PRKCA: variants seen among roughly 807,000 people sequenced by gnomAD.
The protein encoded by PRKCA is protein kinase C alpha type.
In PRKCA, 27 loss-of-function variants were observed where a neutral mutation model predicts 87.0. The observed-to-expected ratio is 0.31, with a 90% CI of 0.23 to 0.43. The LOEUF (loss-of-function observed/expected upper bound fraction) is 0.43, where lower values mean the gene tolerates loss of function less well. Among genes scored for constraint, PRKCA ranks in the 20% least tolerant of loss-of-function variants. The probability of loss-of-function intolerance (pLI) is 1.00; values close to 1 mark genes in which losing one functional copy is unlikely to be tolerated. For synonymous variants in PRKCA, 329 were observed against 311.1 expected (o/e 1.06, Z -0.61); for missense variants, 518 against 852.3 (o/e 0.61, Z 4.88).
At chr17:66,664,658 T>C (rs886324271) in intron 5 of PRKCA, among the ~76,000 whole-genome samples, 10 of 141,604 alleles carry the variant, frequency 7.1e-5, no homozygotes, top group African/African-American at 2.1e-4. Flanking sequence ...TTTTTTTTTT[T>C]TTTTTTTTTT....
chr17:66,414,331 C>T (rs909985348), intron 2 of PRKCA, among the ~76,000 whole-genome samples: 11 of 152,174 alleles, frequency 7.2e-5, no homozygotes, highest in African/African-American at 2.7e-4. Context: ...CCTCCCTGCT[C>T]CCTCTTTCTT....
In PRKCA at chr17:66,302,795, C is replaced by T. The variant is rs2143077891; in HGVS notation, c.-57C>T. On this transcript the variant is annotated 5_prime_UTR_variant, in exon 1 of 17. Coordinates refer to ENST00000413366, the MANE Select transcript of PRKCA (RefSeq NM_002737.3). ...ACCTCTCCCCCGCCGCCCCCGCCCA[C>T]CCGGCCCTCCGCGGCCGCAGCTCCC... The T allele has an allele frequency of 7.2e-7, 1 of 1,386,822 alleles. No homozygotes were observed. Among genetic ancestry groups the T allele is most frequent in the Non-Finnish European group, 9.5e-7 (1 of 1,051,492 alleles). The allele number at this position is 1,386,822 out of a possible 1,614,324, so 85.9% of individuals were successfully genotyped here. A position where few individuals can be genotyped will look rare whatever the true frequency, so the allele number is the denominator to read the frequency against.
chr17:66,676,087 C>A (rs1418039827), intron 5 of PRKCA, among the ~76,000 whole-genome samples: 2 of 152,112 alleles, frequency 1.3e-5, no homozygotes, highest in East Asian at 1.9e-4. Flanking sequence ...TTCTGGCTCC[C>A]GGTGCAGAAC....
chr17:66,360,556 C>G (rs1229756369), intron 2 of PRKCA, among the ~76,000 whole-genome samples: 1 of 152,104 alleles, frequency 6.6e-6, no homozygotes, highest in Admixed American at 6.5e-5. Flanking sequence ...GGTGGATATC[C>G]GAAGGGCTCT....
At chr17:66,758,979 A>T (rs1974618095) in intron 13 of PRKCA, among the ~76,000 whole-genome samples, 1 of 152,200 alleles carries the variant, frequency 6.6e-6, no homozygotes, top group Non-Finnish European at 1.5e-5. Context: ...GAGCAGTGAT[A>T]GAAGGGATAA....
intron 2 of PRKCA, among the ~76,000 whole-genome samples, chr17:66,333,514 A>G (rs1472846116): frequency 6.6e-6 from 1 of 152,208 alleles, no homozygotes; most frequent in Non-Finnish European, 1.5e-5. Context: ...TGCCTTTTAT[A>G]TAATTACATT....
chr17:66,459,600 T>C (rs77706713), intron 2 of PRKCA, among the ~76,000 whole-genome samples: 3,447 of 152,310 alleles, frequency 0.023, 128 homozygotes, highest in African/African-American at 0.078. Context: ...GAGATTCCGC[T>C]TGATTTGAGA....
intron 5 of PRKCA, among the ~76,000 whole-genome samples, chr17:66,677,724 T>C (rs147958922): frequency 6.6e-6 from 1 of 152,350 alleles, no homozygotes; most frequent in Non-Finnish European, 1.5e-5. Context: ...TTTTGTCATC[T>C]GGAAAACGGG....
chr17:66,427,382 T>G (rs1912871465), intron 2 of PRKCA, among the ~76,000 whole-genome samples: 2 of 152,258 alleles, frequency 1.3e-5, no homozygotes, highest in Admixed American at 1.3e-4. Flanking sequence ...AATGTCATAT[T>G]GTCTGTGGCT....
chr17:66,655,504 C>T (rs779320355), intron 5 of PRKCA, among the ~76,000 whole-genome samples: 1 of 152,168 alleles, frequency 6.6e-6, no homozygotes, highest in Non-Finnish European at 1.5e-5. Context: ...GGAAGCCTCT[C>T]CTCACATTTT....
rs7214212 is a variant in PRKCA, at chr17:66,768,263, G to A, written c.1525-5724G>A. Among the ~76,000 whole-genome samples, 79 of 148,708 alleles carry A rather than the reference G, an allele frequency of 5.3e-4. 1 individual carries two copies. In the South Asian group the frequency reaches 0.016, roughly 31 times the overall value. The stretch of plus-strand genomic sequence containing the variant: ...CCAGCCATTTTTTTTTTTTTTTTTG[G>A]GGGGGAGAGATTAGGGTCTTGCTAT... On this transcript the variant is annotated intron_variant, in intron 13 of 16. Transcript: ENST00000413366.
chr17:66,316,296 C>T (rs768713938), intron 2 of PRKCA, among the ~76,000 whole-genome samples: 2 of 152,112 alleles, frequency 1.3e-5, no homozygotes, highest in Non-Finnish European at 1.5e-5. Flanking sequence ...ACATGGTTTC[C>T]TCTTGTAACT....
chr17:66,727,969 C>T (rs1274435368), intron 8 of PRKCA, among the ~76,000 whole-genome samples: 3 of 152,208 alleles, frequency 2.0e-5, no homozygotes, highest in African/African-American at 4.8e-5. Flanking sequence ...CCCTCAACCC[C>T]AGCATTGATT....
chr17:66,425,145 C>A (rs1912727563), intron 2 of PRKCA, among the ~76,000 whole-genome samples: 1 of 152,158 alleles, frequency 6.6e-6, no homozygotes, highest in Admixed American at 6.5e-5. Flanking sequence ...TCCTGTCGCT[C>A]CCAGAAGCTG....
chr17:66,569,705 A>G (rs1190131411), intron 3 of PRKCA, among the ~76,000 whole-genome samples: 1 of 152,240 alleles, frequency 6.6e-6, no homozygotes. Context: ...CTGGGTCATC[A>G]GGGGAATGCA....
At chr17:66,507,381 T>C (rs1287302306) in intron 3 of PRKCA, among the ~76,000 whole-genome samples, 1 of 152,194 alleles carries the variant, frequency 6.6e-6, no homozygotes, top group Non-Finnish European at 1.5e-5. Context: ...CTGTTCTTTT[T>C]CCACAGTACC....
chr17:66,489,095 A>G (rs181734903), intron 2 of PRKCA, among the ~76,000 whole-genome samples: 1 of 151,564 alleles, frequency 6.6e-6, no homozygotes, highest in Admixed American at 6.6e-5. Context: ...TTTTGTATTT[A>G]AAAAAAAGAA....
intron 2 of PRKCA, among the ~76,000 whole-genome samples, chr17:66,399,125 G>A (rs1353231490): frequency 2.5e-5 from 3 of 121,352 alleles, no homozygotes; most frequent in Non-Finnish European, 3.5e-5. Context: ...TTGAGACAGG[G>A]CCTTGCTCTG....
intron 5 of PRKCA, among the ~76,000 whole-genome samples, chr17:66,660,571 A>G (rs1015084368): frequency 6.6e-6 from 1 of 152,008 alleles, no homozygotes; most frequent in African/African-American, 2.4e-5. Context: ...GAATATGGCT[A>G]CTATGTAGGG....
Sources: allele counts gnomAD v4.1 joint callset (sites outside exome capture counted in the v4.1 genomes callset), GRCh38; gene constraint gnomAD v4.1.1; transcripts MANE v1.5; gene names NCBI Gene and HGNC (gene_info 2026-07-23, HGNC 2026-07-21).